Variants in SPON1 observed in about 807,000 individuals in gnomAD.
SPON1 encodes spondin 1, also known as spondin-1.
Under a neutral mutation model 111.7 loss-of-function variants are expected in SPON1, and 52 were observed. The ratio of observed to expected loss-of-function variants is 0.47; its 90% confidence interval spans 0.37 to 0.59. The LOEUF is 0.59. Among genes scored for constraint, SPON1 ranks in the 20% least tolerant of loss-of-function variants. SPON1 has a pLI of 0.00. For synonymous variants in SPON1, 410 were observed against 395.8 expected (o/e 1.04, Z -0.43); for missense variants, 957 against 1,068.5 (o/e 0.90, Z 1.46).
At position 14,091,006 on chromosome 11, in the gene SPON1, C is replaced by A. The variant is rs1439754113; in HGVS notation, c.676+10985C>A. On this transcript the variant is annotated intron_variant, in intron 5 of 15. Coordinates refer to ENST00000576479, the MANE Select transcript of SPON1 (RefSeq NM_006108.4). ...CAGGTTCTCCAAGGCCCCACCAGAG[C>A]AGCTAGACACAGCGTGTCGATTGGT... Among the ~76,000 whole-genome samples, 4 of 151,968 alleles carry A rather than the reference C, an allele frequency of 2.6e-5. No individual in the cohort carries two copies. In the East Asian group the frequency reaches 5.8e-4, roughly 22 times the overall value.
At chr11:14,082,201 T>C (rs1158027181) in intron 5 of SPON1, among the ~76,000 whole-genome samples, 1 of 152,014 alleles carries the variant, frequency 6.6e-6, no homozygotes, top group African/African-American at 2.4e-5. Context: ...AAAAAAATTG[T>C]TTCTGGGTCT....
At chr11:14,131,926 C>T (rs1847533949) in intron 5 of SPON1, among the ~76,000 whole-genome samples, 1 of 152,188 alleles carries the variant, frequency 6.6e-6, no homozygotes, top group Non-Finnish European at 1.5e-5. Flanking sequence ...TTATTCCTTC[C>T]CCCTGGCCAA....
At chr11:13,991,462 G>A (rs1199790124) in intron 2 of SPON1, among the ~76,000 whole-genome samples, 1 of 152,078 alleles carries the variant, frequency 6.6e-6, no homozygotes, top group African/African-American at 2.4e-5. Context: ...GGTTATTCTA[G>A]TCAGCAATTC....
At chr11:14,109,292 T>C (rs1433378961) in intron 5 of SPON1, among the ~76,000 whole-genome samples, 1 of 152,164 alleles carries the variant, frequency 6.6e-6, no homozygotes, top group Non-Finnish European at 1.5e-5. Flanking sequence ...GCTCTATTTA[T>C]TGTTTAGTAC....
chr11:14,097,882 T>C (rs1365966921), intron 5 of SPON1, among the ~76,000 whole-genome samples: 3 of 152,246 alleles, frequency 2.0e-5, no homozygotes, highest in African/African-American at 7.2e-5. Flanking sequence ...ATTTCTGTGG[T>C]CTCCCACTTG....
chr11:14,159,663 GA>G, intron 6 of SPON1, among the ~76,000 whole-genome samples: 1 of 152,078 alleles, frequency 6.6e-6, no homozygotes. Flanking sequence ...AATGGATAAA[GA>G]AAATGTGATA....
At chr11:14,205,824 C>G (rs185299148) in intron 6 of SPON1, among the ~76,000 whole-genome samples, 52 of 152,276 alleles carry the variant, frequency 3.4e-4, no homozygotes, top group Admixed American at 5.9e-4. Context: ...GGTCTCACAC[C>G]TTTTGCTTCA....
intron 6 of SPON1, among the ~76,000 whole-genome samples, chr11:14,200,227 G>T (rs1341833693): frequency 1.3e-5 from 2 of 152,082 alleles, no homozygotes; most frequent in East Asian, 3.9e-4. Context: ...AGCTTGTCTT[G>T]TGTGCTAGGG....
intron 5 of SPON1, among the ~76,000 whole-genome samples, chr11:14,081,815 C>T (rs1848964590): frequency 6.6e-6 from 1 of 152,000 alleles, no homozygotes; most frequent in Non-Finnish European, 1.5e-5. Context: ...TCCATGATCC[C>T]CACGCAGCCC....
intron 5 of SPON1, 103 bp downstream of exon 5, chr11:14,080,124 T>C (rs1848950189): frequency 7.3e-7 from 1 of 1,367,314 alleles, no homozygotes; most frequent in Non-Finnish European, 1.0e-6. Context: ...TGCTCCCTAG[T>C]ATTGGCTGGT....
At chr11:14,089,801 C>G (rs1849035227) in intron 5 of SPON1, among the ~76,000 whole-genome samples, 1 of 152,228 alleles carries the variant, frequency 6.6e-6, no homozygotes, top group Admixed American at 6.5e-5. Context: ...AGTTTTATCT[C>G]TAAGCCCCTG....
intron 1 of SPON1, among the ~76,000 whole-genome samples, chr11:13,969,215 C>CAAAAAAAA (rs3047401): frequency 2.2e-4 from 24 of 106,944 alleles, no homozygotes; most frequent in East Asian, 9.2e-4. Context: ...CCCATCTCTA[C>CAAAAAAAA]AAAAAAAAAA....
At chr11:14,120,251 G>A (rs1849295210) in intron 5 of SPON1, among the ~76,000 whole-genome samples, 1 of 152,058 alleles carries the variant, frequency 6.6e-6, no homozygotes. Flanking sequence ...AATTCCCAGG[G>A]TAATATTTAT....
At chr11:14,002,106 T>C (rs1848323557) in intron 2 of SPON1, among the ~76,000 whole-genome samples, 1 of 152,152 alleles carries the variant, frequency 6.6e-6, no homozygotes, top group Admixed American at 6.5e-5. Context: ...AACAATTTGA[T>C]GAACAAGAAG....
intron 2 of SPON1, among the ~76,000 whole-genome samples, chr11:13,999,901 G>A (rs1453716273): frequency 6.6e-6 from 1 of 152,124 alleles, no homozygotes; most frequent in Non-Finnish European, 1.5e-5. Flanking sequence ...AGGAGGACTG[G>A]GTGTTGGCTG....
intron 2 of SPON1, among the ~76,000 whole-genome samples, chr11:13,998,965 G>A (rs1177291345): frequency 6.6e-6 from 1 of 152,112 alleles, no homozygotes; most frequent in Admixed American, 6.5e-5. Flanking sequence ...AAGTTCCTGT[G>A]GCCTTGCAAT....
At position 14,267,178 on chromosome 11, in the gene SPON1, C is replaced by A. The variant is rs1849281060; in HGVS notation, c.*1491C>A. 1 of 152,150 alleles carries A rather than the reference C, an allele frequency of 6.6e-6. No homozygotes were observed. Among genetic ancestry groups the A allele is most frequent in the African/African-American group, 2.4e-5 (1 of 41,434 alleles). The allele number at this position is 152,150 out of a possible 1,614,324, so 9.4% of individuals were successfully genotyped here. The stretch of plus-strand genomic sequence containing the variant: ...TAGTCCTGAATATGTACTTTTAACA[C>A]AAGAGAGACTATTCAATAAAAACTC... On this transcript the variant is annotated 3_prime_UTR_variant, in exon 16 of 16. Coordinates refer to ENST00000576479, the MANE Select transcript of SPON1 (RefSeq NM_006108.4).
At chr11:14,144,403 G>A (rs577025716) in intron 6 of SPON1, among the ~76,000 whole-genome samples, 7 of 152,190 alleles carry the variant, frequency 4.6e-5, no homozygotes, top group South Asian at 4.2e-4. Context: ...GCCAAGGCAG[G>A]CAGATCACTT....
Position 14,254,523 on chromosome 11 carries a change from T to C in SPON1, c.891-5T>C. ...AATATAATGGTCTCTGTATTTCGTT[T>C]CCAGGAGAGCAGCACCTTCAGCTGA... is the stretch of plus-strand genomic sequence containing the variant. On this transcript the variant is annotated splice_region_variant and splice_polypyrimidine_tract_variant and intron_variant, in intron 7 of 15. Coordinates refer to ENST00000576479, the MANE Select transcript of SPON1 (RefSeq NM_006108.4). 6.3e-7 allele frequency: 1 copy of C among 1,591,148 alleles called. No homozygotes were observed. The highest frequency in any genetic ancestry group is 1.2e-5 in the South Asian group (1 of 86,048).
Sources: allele counts gnomAD v4.1 joint callset (sites outside exome capture counted in the v4.1 genomes callset), GRCh38; gene constraint gnomAD v4.1.1; transcripts MANE v1.5; gene names NCBI Gene and HGNC (gene_info 2026-07-23, HGNC 2026-07-21).